The following RBKS variants were observed in gnomAD, a reference collection of about 807,000 sequenced individuals.
RBKS encodes the protein ribokinase.
A neutral mutation model predicts 33.9 loss-of-function variants in RBKS; 33 were observed. The observed-to-expected ratio is 0.97, with a 90% CI of 0.74 to 1.30. The LOEUF (loss-of-function observed/expected upper bound fraction) is 1.30. RBKS is among the 50% of genes most tolerant of loss of function. The probability of loss-of-function intolerance (pLI) is 0.00; values close to 1 mark genes in which losing one functional copy is unlikely to be tolerated. For missense variants in RBKS, 361 were observed against 392.6 expected, an observed-to-expected ratio of 0.92 and a Z score of 0.68; for synonymous variants, 125 against 143.0, an observed-to-expected ratio of 0.87 and a Z score of 0.90.
At chr2:27,846,105 C>A (rs1573061680) in intron 4 of RBKS, among the ~76,000 whole-genome samples, 1 of 152,120 alleles carries the variant, frequency 6.6e-6, no homozygotes, top group East Asian at 1.9e-4. Context: ...GCTGAGATTA[C>A]AGGCATTTGC....
intron 7 of RBKS, among the ~76,000 whole-genome samples, chr2:27,798,576 G>GT: frequency 6.6e-6 from 1 of 152,102 alleles, no homozygotes; most frequent in East Asian, 1.9e-4. Context: ...ACCTCACAGG[G>GT]TCACATTAAC....
At chr2:27,854,018 C>T (rs191279587) in intron 2 of RBKS, among the ~76,000 whole-genome samples, 4 of 152,272 alleles carry the variant, frequency 2.6e-5, no homozygotes, top group Admixed American at 2.6e-4. Context: ...AGTAATCTAG[C>T]ACAGAAGGTA....
chr2:27,793,516 C>A (rs561277935), intron 7 of RBKS, among the ~76,000 whole-genome samples: 1 of 152,262 alleles, frequency 6.6e-6, no homozygotes, highest in East Asian at 1.9e-4. Flanking sequence ...AGTATTCCTG[C>A]CTCAAATGCG....
chr2:27,868,160 T>C (rs903645553), intron 1 of RBKS, among the ~76,000 whole-genome samples: 1 of 152,234 alleles, frequency 6.6e-6, no homozygotes, highest in African/African-American at 2.4e-5. Context: ...AAACAGATTT[T>C]AATTTTATCC....
intron 6 of RBKS, among the ~76,000 whole-genome samples, chr2:27,829,394 A>T: frequency 1.5e-5 from 2 of 135,410 alleles, no homozygotes; most frequent in African/African-American, 2.9e-5. Flanking sequence ...TTGAGACAAG[A>T]GTCTTGCTCT....
intron 7 of RBKS, among the ~76,000 whole-genome samples, chr2:27,823,972 G>A (rs1221391179): frequency 3.3e-5 from 5 of 152,158 alleles, no homozygotes; most frequent in East Asian, 1.9e-4. Context: ...AAGCTTGTCC[G>A]ACCATTACCA....
intron 5 of RBKS, among the ~76,000 whole-genome samples, chr2:27,833,911 C>G (rs1002615511): frequency 1.3e-5 from 2 of 152,058 alleles, no homozygotes; most frequent in South Asian, 4.1e-4. Context: ...GACTATAGAC[C>G]CATAGTGTAA....
intron 7 of RBKS, among the ~76,000 whole-genome samples, chr2:27,821,936 G>A (rs372856743): frequency 1.3e-5 from 2 of 152,240 alleles, no homozygotes; most frequent in East Asian, 3.9e-4. Flanking sequence ...AAGGGACACC[G>A]AAACATCTTG....
At chr2:27,887,888 G>T (rs1299568428) in intron 1 of RBKS, among the ~76,000 whole-genome samples, 1 of 152,062 alleles carries the variant, frequency 6.6e-6, no homozygotes, top group Non-Finnish European at 1.5e-5. Flanking sequence ...AAAACTGAAG[G>T]ACTAGAATAA....
At chr2:27,789,260 T>A (rs1677462593) in intron 7 of RBKS, among the ~76,000 whole-genome samples, 1 of 151,480 alleles carries the variant, frequency 6.6e-6, no homozygotes. Context: ...ATTTCAGATC[T>A]TTTTTTTTGG....
intron 7 of RBKS, among the ~76,000 whole-genome samples, chr2:27,787,350 T>C (rs1387044282): frequency 6.6e-6 from 1 of 152,160 alleles, no homozygotes; most frequent in African/African-American, 2.4e-5. Context: ...GAGGATCACC[T>C]GAGCCCAGGG....
At chr2:27,886,586 G>A (rs181843071) in intron 1 of RBKS, among the ~76,000 whole-genome samples, 228 of 152,160 alleles carry the variant, frequency 1.5e-3, no homozygotes, top group Non-Finnish European at 3.0e-3. Flanking sequence ...GGAAAGGTAC[G>A]AATTGGGGCC....
At chr2:27,882,447 G>A (rs1025302189) in intron 1 of RBKS, among the ~76,000 whole-genome samples, 4 of 152,120 alleles carry the variant, frequency 2.6e-5, no homozygotes, top group African/African-American at 9.7e-5. Flanking sequence ...GCAAGGCTGC[G>A]GAGAAAAAGG....
At chr2:27,784,347 A>G (rs910011721) in intron 7 of RBKS, among the ~76,000 whole-genome samples, 1 of 152,200 alleles carries the variant, frequency 6.6e-6, no homozygotes, top group African/African-American at 2.4e-5. Context: ...TTTCATAACA[A>G]ATCTTGAGGC....
intron 1 of RBKS, among the ~76,000 whole-genome samples, chr2:27,889,109 A>G (rs1271054383): frequency 6.6e-6 from 1 of 152,226 alleles, no homozygotes; most frequent in African/African-American, 2.4e-5. Context: ...AACTGCCTCT[A>G]GCAGTCTCTT....
intron 7 of RBKS, among the ~76,000 whole-genome samples, chr2:27,789,597 C>A (rs1320911644): frequency 6.6e-6 from 1 of 151,916 alleles, no homozygotes; most frequent in Non-Finnish European, 1.5e-5. Context: ...CAGAGTCTCA[C>A]TCTGTAGCCC....
chr2:27,829,176 T>G (rs1372001140), intron 6 of RBKS, among the ~76,000 whole-genome samples: 1 of 152,098 alleles, frequency 6.6e-6, no homozygotes, highest in Non-Finnish European at 1.5e-5. Flanking sequence ...ATTACAGGTA[T>G]GAGCCACCAC....
chr2:27,789,475 T>C (rs1013245435), intron 7 of RBKS, among the ~76,000 whole-genome samples: 3 of 150,896 alleles, frequency 2.0e-5, no homozygotes, highest in African/African-American at 7.3e-5. Flanking sequence ...CTTGGCTCAC[T>C]GTAACCTCCG....
At chr2:27,843,588 G>T (rs781137512) in intron 4 of RBKS, among the ~76,000 whole-genome samples, 4 of 152,150 alleles carry the variant, frequency 2.6e-5, no homozygotes, top group Non-Finnish European at 5.9e-5. Flanking sequence ...AATCCTAAAT[G>T]ACAGATGCCA....
Sources: allele counts gnomAD v4.1 joint callset (sites outside exome capture counted in the v4.1 genomes callset), GRCh38; gene constraint gnomAD v4.1.1; transcripts MANE v1.5; gene names NCBI Gene and HGNC (gene_info 2026-07-23, HGNC 2026-07-21).